FRMD4A: variants seen among roughly 807,000 people sequenced by gnomAD.
FRMD4A encodes the protein FERM domain-containing protein 4A.
In FRMD4A, 29 loss-of-function variants were observed where a neutral mutation model predicts 129.1. The observed-to-expected ratio is 0.22, with a 90% CI of 0.17 to 0.31. FRMD4A has a LOEUF of 0.31. FRMD4A is among the 10% of genes least tolerant of loss of function. FRMD4A has a pLI of 1.00. For missense variants in FRMD4A, 1,272 were observed against 1,375.8 expected (o/e 0.92, Z 1.19); for synonymous variants, 634 against 571.6 (o/e 1.11, Z -1.56).
At chr10:14,028,213 C>G (rs1048950797) in intron 2 of FRMD4A, among the ~76,000 whole-genome samples, 3 of 151,988 alleles carry the variant, frequency 2.0e-5, no homozygotes, top group Admixed American at 1.3e-4. Flanking sequence ...ATTAATGCAC[C>G]CTTTGGACAA....
At chr10:14,306,267 A>G (rs1340736866) in intron 2 of FRMD4A, among the ~76,000 whole-genome samples, 1 of 152,268 alleles carries the variant, frequency 6.6e-6, no homozygotes, top group Non-Finnish European at 1.5e-5. Flanking sequence ...TTAAAGCAGA[A>G]GAGTAAAAAT....
At chr10:13,837,596 T>G (rs550845681) in intron 3 of FRMD4A, among the ~76,000 whole-genome samples, 1 of 152,362 alleles carries the variant, frequency 6.6e-6, no homozygotes, top group African/African-American at 2.4e-5. Context: ...CAGCTTCTAA[T>G]TTCTTATCCA....
At chr10:13,886,414 G>A (rs1246994128) in intron 2 of FRMD4A, among the ~76,000 whole-genome samples, 1 of 152,116 alleles carries the variant, frequency 6.6e-6, no homozygotes, top group Non-Finnish European at 1.5e-5. Flanking sequence ...TTGGGATTCT[G>A]CATTAGGACC....
intron 2 of FRMD4A, among the ~76,000 whole-genome samples, chr10:14,132,592 G>C (rs975090226): frequency 6.6e-6 from 1 of 152,212 alleles, no homozygotes; most frequent in Admixed American, 6.5e-5. Context: ...AGGAGGAGGA[G>C]AGCAGAGACA....
intron 2 of FRMD4A, among the ~76,000 whole-genome samples, chr10:14,160,411 C>T (rs537727688): frequency 6.6e-6 from 1 of 152,110 alleles, no homozygotes; most frequent in African/African-American, 2.4e-5. Context: ...CTCAAAAGCA[C>T]AGGCAACAAC....
intron 15 of FRMD4A, among the ~76,000 whole-genome samples, chr10:13,685,924 T>TAAA (rs2134784036): frequency 6.6e-6 from 1 of 152,226 alleles, no homozygotes; most frequent in African/African-American, 2.4e-5. Flanking sequence ...TATAGCTGTG[T>TAAA]AAATGACTTT....
chr10:14,051,532 G>T (rs892460953), intron 2 of FRMD4A, among the ~76,000 whole-genome samples: 1 of 152,222 alleles, frequency 6.6e-6, no homozygotes, highest in Non-Finnish European at 1.5e-5. Context: ...TGCCCACTTG[G>T]ATTGCAGGAA....
rs930604690 is a variant in FRMD4A, at chr10:13,810,795, G to T, written c.206+19C>A. On this transcript the variant is annotated intron_variant, in intron 4 of 24. Transcript: ENST00000357447. Reference sequence around the variant, plus strand: ...ACTGACTCTCCCTTCGGGCTGTGAGGGCTCAAGGCAGTACTTACGTTTCAT... The same window carrying T: ...ACTGACTCTCCCTTCGGGCTGTGAGTGCTCAAGGCAGTACTTACGTTTCAT... 3 of 1,322,790 alleles carry T rather than the reference G, an allele frequency of 2.3e-6. No individual in the cohort carries two copies. Among genetic ancestry groups the T allele is most frequent in the South Asian group, 2.4e-5 (2 of 83,566 alleles). The allele number at this position is 1,322,790 out of a possible 1,614,324, so 81.9% of individuals were successfully genotyped here.
rs540084053 is a variant in FRMD4A at position 13,772,512 on chromosome 10, A to G, written c.385-9832T>C. On this transcript the variant is annotated intron_variant, in intron 6 of 24. Coordinates refer to ENST00000357447, the MANE Select transcript of FRMD4A (RefSeq NM_018027.5). ...TGGACAGAGGGCCAGCCTTACAAAC[A>G]TTCTCTTCTGAGGAGCTACTGTAGA... Among the ~76,000 whole-genome samples, 3 of 152,304 alleles carry G rather than the reference A, an allele frequency of 2.0e-5. No individual in the cohort carries two copies. In the East Asian group the frequency reaches 5.8e-4, roughly 29 times the overall value.
intron 12 of FRMD4A, among the ~76,000 whole-genome samples, chr10:13,717,846 A>G (rs1397549882): frequency 3.9e-5 from 6 of 151,900 alleles, no homozygotes; most frequent in Admixed American, 6.6e-5. Flanking sequence ...TGGGGATGGG[A>G]TAGAAGAAAA....
At chr10:13,746,650 C>G (rs995473661) in intron 9 of FRMD4A, among the ~76,000 whole-genome samples, 5 of 152,202 alleles carry the variant, frequency 3.3e-5, no homozygotes, top group African/African-American at 1.2e-4. Context: ...AGCACTTACA[C>G]AAGTCACGTA....
chr10:14,295,372 A>T (rs1166087930), intron 2 of FRMD4A, among the ~76,000 whole-genome samples: 1 of 152,210 alleles, frequency 6.6e-6, no homozygotes, highest in Non-Finnish European at 1.5e-5. Context: ...CACAAACTTC[A>T]AATCAAGAGA....
Position 14,160,852 on chromosome 10 carries a change from G to A in FRMD4A, c.45+169206C>T, listed in dbSNP as rs192808470. Among the ~76,000 whole-genome samples, 34 of 152,250 alleles carry A rather than the reference G, an allele frequency of 2.2e-4. No homozygotes were observed. The East Asian group carries it at 5.8e-3, about 26-fold the overall frequency. On this transcript the variant is annotated intron_variant, in intron 2 of 24. Coordinates refer to ENST00000357447, the MANE Select transcript of FRMD4A (RefSeq NM_018027.5). ...CCATTTAGAATGGGGTTATCAAAGAGACAAAAAATAACAAATGCTGGCAAG... is the reference window on the plus strand; with the variant it reads ...CCATTTAGAATGGGGTTATCAAAGAAACAAAAAATAACAAATGCTGGCAAG...
chr10:13,709,681 C>T (rs555755452), intron 12 of FRMD4A, among the ~76,000 whole-genome samples: 11 of 152,174 alleles, frequency 7.2e-5, no homozygotes, highest in Admixed American at 6.6e-4. Flanking sequence ...GGTCCCTCAG[C>T]CGCTATCCTG....
At chr10:13,990,636 G>A (rs1257356064) in intron 2 of FRMD4A, among the ~76,000 whole-genome samples, 3 of 152,084 alleles carry the variant, frequency 2.0e-5, no homozygotes. Context: ...TCATCAGGGA[G>A]CAGGATCTGC....
At chr10:13,959,824 G>A (rs1033907044) in intron 2 of FRMD4A, among the ~76,000 whole-genome samples, 3 of 152,188 alleles carry the variant, frequency 2.0e-5, no homozygotes, top group African/African-American at 7.2e-5. Context: ...TGCCCCCCAG[G>A]GCTGAGTATC....
intron 2 of FRMD4A, among the ~76,000 whole-genome samples, chr10:14,186,717 C>T (rs768326821): frequency 6.6e-6 from 1 of 152,178 alleles, no homozygotes; most frequent in Non-Finnish European, 1.5e-5. Context: ...TTATCAGCCT[C>T]TGAGGATGCA....
At chr10:13,965,729 T>C (rs2095481464) in intron 2 of FRMD4A, among the ~76,000 whole-genome samples, 1 of 152,234 alleles carries the variant, frequency 6.6e-6, no homozygotes, top group Non-Finnish European at 1.5e-5. Flanking sequence ...TAAACCTTTC[T>C]TTCTTTCAGT....
chr10:13,702,957 T>G (rs576858976), intron 13 of FRMD4A, among the ~76,000 whole-genome samples: 1 of 147,158 alleles, frequency 6.8e-6, no homozygotes, highest in African/African-American at 2.5e-5. Flanking sequence ...AGCACACAGT[T>G]GAAAATAATT....
Sources: gnomAD v4.1 joint callset for allele counts (sites outside exome capture counted in the v4.1 genomes callset) on GRCh38, gnomAD v4.1.1 for gene constraint, MANE v1.5 for transcripts, NCBI Gene and HGNC (gene_info 2026-07-23, HGNC 2026-07-21) for gene names.